The following ASIC2 variants were observed in gnomAD, a reference collection of about 807,000 sequenced individuals.
ASIC2 encodes the protein acid-sensing ion channel 2.
In ASIC2, 25 loss-of-function variants were observed where a neutral mutation model predicts 57.3. The observed-to-expected ratio is 0.44, with a 90% CI of 0.32 to 0.61. ASIC2 has a LOEUF of 0.61. Among genes scored for constraint, ASIC2 ranks in the 20% least tolerant of loss-of-function variants. The pLI is 0.06. For missense variants in ASIC2, 641 were observed against 738.1 expected (o/e 0.87, Z 1.52); for synonymous variants, 319 against 307.5 (o/e 1.04, Z -0.39).
intron 1 of ASIC2, among the ~76,000 whole-genome samples, chr17:33,130,536 G>A (rs1403097526): frequency 1.3e-5 from 2 of 152,234 alleles, no homozygotes; most frequent in Non-Finnish European, 2.9e-5. Flanking sequence ...ACATTGGAAG[G>A]TAGTGAGCTC....
intron 1 of ASIC2, among the ~76,000 whole-genome samples, chr17:33,307,233 CCTT>C (rs778036149): frequency 1.3e-5 from 2 of 151,800 alleles, no homozygotes; most frequent in African/African-American, 4.8e-5. Context: ...GTGGTCTTCT[CCTT>C]CTTCTTCTTC....
At chr17:33,403,817 A>G (rs1451388406) in intron 1 of ASIC2, among the ~76,000 whole-genome samples, 3 of 152,234 alleles carry the variant, frequency 2.0e-5, no homozygotes, top group African/African-American at 7.2e-5. Context: ...TGAACAGTTT[A>G]CAGGTGAAGA....
intron 1 of ASIC2, among the ~76,000 whole-genome samples, chr17:33,685,643 G>C (rs897609642): frequency 6.6e-6 from 1 of 152,198 alleles, no homozygotes; most frequent in South Asian, 2.1e-4. Context: ...TGAGAGGAAG[G>C]AGGCCGGCAG....
intron 3 of ASIC2, among the ~76,000 whole-genome samples, chr17:33,076,588 C>A (rs2092089900): frequency 6.6e-6 from 1 of 152,206 alleles, no homozygotes; most frequent in South Asian, 2.1e-4. Flanking sequence ...CCACTCTAGA[C>A]TTTTTCTGTG....
intron 1 of ASIC2, chr17:34,039,242 C>T (rs1048242): frequency 2.5e-6 from 4 of 1,613,784 alleles, no homozygotes; most frequent in East Asian, 4.5e-5. Context: ...ATTGTGAGGT[C>T]GGACTGGGTC....
intron 1 of ASIC2, among the ~76,000 whole-genome samples, chr17:33,525,312 GC>G (rs1042716626): frequency 2.0e-5 from 3 of 152,190 alleles, no homozygotes; most frequent in African/African-American, 7.2e-5. Flanking sequence ...GAGTGAAGCA[GC>G]CCCTTTGTAG....
intron 1 of ASIC2, among the ~76,000 whole-genome samples, chr17:33,428,362 T>C (rs1174447080): frequency 6.6e-6 from 1 of 152,188 alleles, no homozygotes; most frequent in African/African-American, 2.4e-5. Flanking sequence ...GCATCCAGGA[T>C]TGAGAACCAC....
At chr17:33,656,889 T>C (rs1177551623) in intron 1 of ASIC2, among the ~76,000 whole-genome samples, 1 of 152,188 alleles carries the variant, frequency 6.6e-6, no homozygotes, top group Admixed American at 6.5e-5. Context: ...AGAAGTCTTG[T>C]GAAGGTGTTG....
chr17:33,967,544 T>G (rs1222776468), intron 1 of ASIC2, among the ~76,000 whole-genome samples: 1 of 152,144 alleles, frequency 6.6e-6, no homozygotes, highest in Non-Finnish European at 1.5e-5. Context: ...CTGATTCGAA[T>G]TCTTAAACAC....
intron 1 of ASIC2, among the ~76,000 whole-genome samples, chr17:33,591,571 G>A (rs1419537661): frequency 6.6e-6 from 1 of 152,180 alleles, no homozygotes; most frequent in African/African-American, 2.4e-5. Flanking sequence ...CATCCCCCCA[G>A]CTGCTAGGGG....
intron 1 of ASIC2, among the ~76,000 whole-genome samples, chr17:34,008,123 T>C (rs1242173383): frequency 6.6e-6 from 1 of 152,234 alleles, no homozygotes; most frequent in Non-Finnish European, 1.5e-5. Flanking sequence ...GTATTTTTAT[T>C]CATCCCATTT....
intron 1 of ASIC2, among the ~76,000 whole-genome samples, chr17:33,164,342 T>C (rs932998370): frequency 3.9e-5 from 6 of 152,226 alleles, no homozygotes; most frequent in African/African-American, 1.4e-4. Flanking sequence ...TTCTGATGAA[T>C]TGCTGTTTTC....
rs561807244 is a variant in ASIC2, at chr17:33,051,395, A to G, written c.988-23003T>C. 7.9e-5 allele frequency among the ~76,000 whole-genome samples: 12 copies of G among 152,332 alleles called. No homozygotes were observed. The South Asian group carries it at 2.3e-3, about 29-fold the overall frequency. On this transcript the variant is annotated intron_variant, in intron 3 of 9. Coordinates refer to ENST00000225823, the MANE Select transcript of ASIC2 (RefSeq NM_183377.2). ...TTTCTGGGTTACTGTGTGAGGAAGAATATGATCCCATACACTGCAAGCTAG... is the reference window on the plus strand; with the variant it reads ...TTTCTGGGTTACTGTGTGAGGAAGAGTATGATCCCATACACTGCAAGCTAG...
At chr17:33,500,112 A>G (rs2141941213) in intron 1 of ASIC2, among the ~76,000 whole-genome samples, 1 of 152,188 alleles carries the variant, frequency 6.6e-6, no homozygotes, top group African/African-American at 2.4e-5. Context: ...GAAAAAAAAT[A>G]AAATAGGAAG....
intron 3 of ASIC2, among the ~76,000 whole-genome samples, chr17:33,053,492 A>G (rs2091985739): frequency 6.6e-6 from 1 of 152,156 alleles, no homozygotes; most frequent in African/African-American, 2.4e-5. Context: ...GGACCTACAG[A>G]TTCCATTTTC....
chr17:33,505,274 G>C (rs1374549233), intron 1 of ASIC2, among the ~76,000 whole-genome samples: 1 of 152,026 alleles, frequency 6.6e-6, no homozygotes, highest in East Asian at 1.9e-4. Flanking sequence ...AGAGGCAAGA[G>C]TCCAGTGCTC....
At chr17:33,525,170 G>C (rs1478935356) in intron 1 of ASIC2, among the ~76,000 whole-genome samples, 1 of 152,132 alleles carries the variant, frequency 6.6e-6, no homozygotes, top group Non-Finnish European at 1.5e-5. Context: ...CATGTGCATG[G>C]AACAGGAGGG....
At chr17:34,100,879 G>C (rs532759904) in intron 1 of ASIC2, among the ~76,000 whole-genome samples, 1 of 152,200 alleles carries the variant, frequency 6.6e-6, no homozygotes, top group East Asian at 1.9e-4. Context: ...GAGTTTTGTA[G>C]TGAAATATAA....
chr17:33,510,266 C>T (rs930207853), intron 1 of ASIC2, among the ~76,000 whole-genome samples: 5 of 152,220 alleles, frequency 3.3e-5, no homozygotes, highest in Non-Finnish European at 7.3e-5. Flanking sequence ...ACAGATTCAT[C>T]TTTCTAATTA....
Sources: allele counts gnomAD v4.1 joint callset (sites outside exome capture counted in the v4.1 genomes callset), GRCh38; gene constraint gnomAD v4.1.1; transcripts MANE v1.5; gene names NCBI Gene and HGNC (gene_info 2026-07-23, HGNC 2026-07-21).